The following AGMO variants were observed in gnomAD, a reference collection of about 807,000 sequenced individuals.
AGMO encodes the protein glyceryl-ether monooxygenase.
A neutral mutation model predicts 60.2 loss-of-function variants in AGMO; 75 were observed. The observed-to-expected ratio is 1.25, with a 90% CI of 1.03 to 1.51. The LOEUF is 1.51. AGMO is among the 40% of genes most tolerant of loss of function. The pLI, the probability that AGMO is intolerant of heterozygous loss-of-function variation, is 0.00. For missense variants in AGMO, 763 were observed against 525.5 expected (o/e 1.45, Z -4.42); for synonymous variants, 261 against 177.1 (o/e 1.47, Z -3.76).
At chr7:15,357,044 A>C (rs1184686984) in intron 12 of AGMO, among the ~76,000 whole-genome samples, 1 of 151,878 alleles carries the variant, frequency 6.6e-6, no homozygotes, top group Admixed American at 6.6e-5. Flanking sequence ...GAATCGCTTA[A>C]ACCTGGGAGG....
At chr7:15,387,675 A>T (rs1361144162) in intron 8 of AGMO, 135 bp from the exon 9 acceptor site, 3 of 728,096 alleles carry the variant, frequency 4.1e-6, no homozygotes, top group Non-Finnish European at 6.6e-6. Flanking sequence ...GAGCAACAGA[A>T]ATGTGTAATT....
chr7:15,196,240 G>A (rs979128049), downstream of AGMO, among the ~76,000 whole-genome samples: 1 of 151,784 alleles, frequency 6.6e-6, no homozygotes, highest in Non-Finnish European at 1.5e-5. Flanking sequence ...GTAGAGAAGG[G>A]GTTTCACCAT....
chr7:15,385,509 T>C lies in AGMO; in HGVS notation c.1011A>G (p.Ile337Met), dbSNP rs139340804. 1,011 of 1,613,548 alleles carry C rather than the reference T, an allele frequency of 6.3e-4. 6 individuals carry two copies. In the African/African-American group the frequency reaches 0.012, roughly 19 times the overall value. Residue 337 changes from isoleucine to methionine, a missense_variant, in exon 10 of 13, where the codon ATA becomes ATG. Coordinates refer to ENST00000342526, the MANE Select transcript of AGMO (RefSeq NM_001004320.2). ...FSSSSSQLLK[I>M]YTVVQFALML... ...TCAGAGCAAACTGTACAACTGTATA[T>C]ATCTTTAATAGCTGAGATGAAGATG...
At chr7:15,167,294 A>ACT in the AGMO span, among the ~76,000 whole-genome samples, 1 of 151,280 alleles carries the variant, frequency 6.6e-6, no homozygotes, top group Non-Finnish European at 1.5e-5. Context: ...CAACTCACAT[A>ACT]ATTTCAAACA....
At chr7:15,169,014 G>A in the AGMO span, among the ~76,000 whole-genome samples, 2 of 152,152 alleles carry the variant, frequency 1.3e-5, no homozygotes, top group Admixed American at 6.5e-5. Flanking sequence ...AGTTGTCCTA[G>A]GGGCTAATCC....
At chr7:15,365,375 G>GT in intron 12 of AGMO, 139 bp downstream of exon 12, 1 of 238,134 alleles carries the variant, frequency 4.2e-6, no homozygotes. Flanking sequence ...ACAAGTACTG[G>GT]TAAGTAAAAA....
intron 12 of AGMO, among the ~76,000 whole-genome samples, chr7:15,234,439 T>C (rs1206195386): frequency 9.9e-5 from 15 of 152,222 alleles, no homozygotes; most frequent in Admixed American, 9.8e-4. Flanking sequence ...ATACCGGTCT[T>C]GCCTACATGC....
the AGMO span, among the ~76,000 whole-genome samples, chr7:15,157,954 G>T: frequency 6.6e-6 from 1 of 152,046 alleles, no homozygotes; most frequent in African/African-American, 2.4e-5. Context: ...TGGGGCTCTT[G>T]CCTTGAATAT....
chr7:15,514,226 C>A (rs1010289045), intron 3 of AGMO, among the ~76,000 whole-genome samples: 6 of 152,108 alleles, frequency 3.9e-5, no homozygotes, highest in African/African-American at 1.4e-4. Flanking sequence ...GTGCTCTTTT[C>A]GGCTTAGCCC....
chr7:15,340,700 T>C (rs1416024455), intron 12 of AGMO, among the ~76,000 whole-genome samples: 1 of 152,178 alleles, frequency 6.6e-6, no homozygotes, highest in Non-Finnish European at 1.5e-5. Context: ...TTTGGGAACC[T>C]CCACCTAGAT....
At chr7:15,486,872 C>T (rs532570229) in intron 3 of AGMO, among the ~76,000 whole-genome samples, 1 of 152,278 alleles carries the variant, frequency 6.6e-6, no homozygotes, top group Non-Finnish European at 1.5e-5. Context: ...ATTTCTGCTT[C>T]ACACATACAA....
chr7:15,491,772 G>A (rs968511080), intron 3 of AGMO, among the ~76,000 whole-genome samples: 2 of 152,140 alleles, frequency 1.3e-5, no homozygotes, highest in African/African-American at 2.4e-5. Flanking sequence ...AGACAGAGAT[G>A]AAAGAAAAAT....
At chr7:15,354,219 TC>T (rs1373768398) in intron 12 of AGMO, among the ~76,000 whole-genome samples, 1 of 150,082 alleles carries the variant, frequency 6.7e-6, no homozygotes, top group Non-Finnish European at 1.5e-5. Context: ...ACTCAGTCCA[TC>T]AGTTATTTTC....
intron 12 of AGMO, among the ~76,000 whole-genome samples, chr7:15,324,223 G>C (rs1261994126): frequency 6.6e-6 from 1 of 152,120 alleles, no homozygotes; most frequent in Admixed American, 6.5e-5. Flanking sequence ...CAAAGAGGCA[G>C]TAATAATAAT....
intron 3 of AGMO, among the ~76,000 whole-genome samples, chr7:15,452,864 A>G (rs1224325842): frequency 6.6e-6 from 1 of 152,238 alleles, no homozygotes; most frequent in Admixed American, 6.5e-5. Flanking sequence ...AAATTGTGGT[A>G]TATCTATACA....
At chr7:15,154,159 C>A in the AGMO span, among the ~76,000 whole-genome samples, 1 of 152,122 alleles carries the variant, frequency 6.6e-6, no homozygotes, top group African/African-American at 2.4e-5. Flanking sequence ...GCTCCTAGAA[C>A]TGGTAAATGA....
chr7:15,494,878 T>A (rs1783182060), intron 3 of AGMO, among the ~76,000 whole-genome samples: 2 of 152,188 alleles, frequency 1.3e-5, no homozygotes, highest in African/African-American at 4.8e-5. Context: ...TCCTTAGGTC[T>A]CAGACTTACT....
chr7:15,332,031 A>G (rs1281247274), intron 12 of AGMO, among the ~76,000 whole-genome samples: 2 of 152,126 alleles, frequency 1.3e-5, no homozygotes, highest in Non-Finnish European at 2.9e-5. Context: ...CTTACCTTCA[A>G]TTCTTCTTTC....
At chr7:15,554,875 G>A (rs1785080166) in intron 2 of AGMO, among the ~76,000 whole-genome samples, 1 of 151,826 alleles carries the variant, frequency 6.6e-6, no homozygotes, top group South Asian at 2.1e-4. Flanking sequence ...TGTGAGAGTG[G>A]GCATGACATT....
Sources: allele counts gnomAD v4.1 joint callset (sites outside exome capture counted in the v4.1 genomes callset), GRCh38; gene constraint gnomAD v4.1.1; transcripts MANE v1.5; gene names NCBI Gene and HGNC (gene_info 2026-07-23, HGNC 2026-07-21).